Variants in CEMIP observed in about 807,000 individuals in gnomAD.
The protein encoded by CEMIP is cell migration-inducing and hyaluronan-binding protein.
In CEMIP, 105 loss-of-function variants were observed where a neutral mutation model predicts 156.9. The observed-to-expected ratio is 0.67, with a 90% CI of 0.57 to 0.79. The LOEUF (loss-of-function observed/expected upper bound fraction) is 0.79. Ranked by LOEUF, CEMIP falls within the 30% of genes least tolerant of loss-of-function variation. The pLI, the probability that CEMIP is intolerant of heterozygous loss-of-function variation, is 0.00. For synonymous variants in CEMIP, 676 were observed against 668.4 expected, an observed-to-expected ratio of 1.01 and a Z score of -0.17; for missense variants, 1,457 against 1,769.4, an observed-to-expected ratio of 0.82 and a Z score of 3.17.
At chr15:80,943,416 G>A (rs550515754) in intron 28 of CEMIP, among the ~76,000 whole-genome samples, 4 of 152,292 alleles carry the variant, frequency 2.6e-5, no homozygotes, top group South Asian at 4.1e-4. Flanking sequence ...CCTTCAATAC[G>A]ATCCAAGTGC....
Position 80,924,606 on chromosome 15 carries a change from A to G in CEMIP, c.2203-15A>G, listed in dbSNP as rs1198766282. ...AGTAGAAACTAATGTGTCCCTGAAT[A>G]TCTCTTCCCTGCAGGCTGGCATGAT... On this transcript the variant is annotated splice_polypyrimidine_tract_variant and intron_variant, in intron 17 of 29. Coordinates refer to ENST00000394685, the MANE Select transcript of CEMIP (RefSeq NM_001293298.2). 1.2e-6 allele frequency: 2 copies of G among 1,612,992 alleles called. No individual in the cohort carries two copies. Among genetic ancestry groups the G allele is most frequent in the Non-Finnish European group, 1.7e-6 (2 of 1,178,976 alleles).
At chr15:80,801,712 T>C (rs8024891) in intron 1 of CEMIP, among the ~76,000 whole-genome samples, 8,891 of 152,236 alleles carry the variant, frequency 0.058, 313 homozygotes, top group Middle Eastern at 0.12. Context: ...ACACCCACCT[T>C]TGATAGAGGT....
intron 1 of CEMIP, among the ~76,000 whole-genome samples, chr15:80,783,796 T>C (rs1191511694): frequency 6.6e-6 from 1 of 152,236 alleles, no homozygotes; most frequent in Non-Finnish European, 1.5e-5. Context: ...CCAGGCTTTG[T>C]TCAAGCTTGG....
intron 1 of CEMIP, among the ~76,000 whole-genome samples, chr15:80,867,249 C>T (rs1898154311): frequency 6.6e-6 from 1 of 152,170 alleles, no homozygotes; most frequent in Non-Finnish European, 1.5e-5. Flanking sequence ...CCCTCCCCTA[C>T]ACTGATAGGC....
At chr15:80,887,088 C>T (rs559069323) in intron 7 of CEMIP, among the ~76,000 whole-genome samples, 2 of 152,116 alleles carry the variant, frequency 1.3e-5, no homozygotes, top group African/African-American at 2.4e-5. Context: ...GGTAAGAAAA[C>T]CTTGCTGCCC....
chr15:80,945,895 G>A (rs974179082), intron 28 of CEMIP, among the ~76,000 whole-genome samples: 1 of 152,220 alleles, frequency 6.6e-6, no homozygotes, highest in African/African-American at 2.4e-5. Flanking sequence ...CGAGGCAGGG[G>A]ATAGACACTC....
At chr15:80,944,888 C>T (rs1901481583) in intron 28 of CEMIP, among the ~76,000 whole-genome samples, 1 of 152,326 alleles carries the variant, frequency 6.6e-6, no homozygotes, top group Admixed American at 6.5e-5. Flanking sequence ...AGCAGCAGCA[C>T]CTCTCTGGGG....
Position 80,925,669 on chromosome 15 carries a change from G to C in CEMIP, c.2334G>C (p.Pro778=). The change falls in exon 19 of 30, where the codon CCG becomes CCC. Residue 778 remains proline (P), a synonymous_variant. Coordinates refer to ENST00000394685, the MANE Select transcript of CEMIP (RefSeq NM_001293298.2). ...CCGACCCGCTGAAGCCCCGGGAGCC[G>C]GCCATCATCAGACACTTCATTGCCT... The part of the protein sequence containing the change: ...QDADPLKPRE[P]AIIRHFIAYK... 2 of 1,613,730 alleles carry C rather than the reference G, an allele frequency of 1.2e-6. No homozygotes were observed. The highest frequency in any genetic ancestry group is 1.7e-6 in the Non-Finnish European group (2 of 1,179,988).
At chr15:80,937,218 C>T (rs1901162801) in intron 24 of CEMIP, among the ~76,000 whole-genome samples, 2 of 152,072 alleles carry the variant, frequency 1.3e-5, no homozygotes, top group African/African-American at 4.8e-5. Flanking sequence ...AGCCAGTGCT[C>T]GACAGATGAC....
chr15:80,912,063 G>A (rs1031301816), intron 14 of CEMIP, among the ~76,000 whole-genome samples: 3 of 152,184 alleles, frequency 2.0e-5, no homozygotes, highest in African/African-American at 7.2e-5. Flanking sequence ...TGAGATTGCT[G>A]GGAAAGGCTG....
intron 1 of CEMIP, among the ~76,000 whole-genome samples, chr15:80,810,390 CG>C (rs994862737): frequency 1.3e-5 from 2 of 152,052 alleles, no homozygotes; most frequent in African/African-American, 4.8e-5. Flanking sequence ...GTTTTTGAGA[CG>C]GAGTCTCACT....
At chr15:80,884,766 A>G (rs1224269137) in intron 7 of CEMIP, among the ~76,000 whole-genome samples, 2 of 152,178 alleles carry the variant, frequency 1.3e-5, no homozygotes, top group Non-Finnish European at 2.9e-5. Context: ...GCTGAGGCAA[A>G]TGACCAAGGA....
chr15:80,816,535 G>T (rs1896792765), intron 1 of CEMIP, among the ~76,000 whole-genome samples: 1 of 152,262 alleles, frequency 6.6e-6, no homozygotes, highest in South Asian at 2.1e-4. Flanking sequence ...CCTGGCCCAG[G>T]TCAAGCTACT....
At chr15:80,927,768 T>C (rs1214580020) in intron 19 of CEMIP, among the ~76,000 whole-genome samples, 1 of 151,928 alleles carries the variant, frequency 6.6e-6, no homozygotes, top group African/African-American at 2.4e-5. Flanking sequence ...AGCCTAGCAC[T>C]GGGGGACAGA....
chr15:80,788,604 G>A (rs1424009958), intron 1 of CEMIP, among the ~76,000 whole-genome samples: 1 of 152,122 alleles, frequency 6.6e-6, no homozygotes, highest in Non-Finnish European at 1.5e-5. Context: ...TCACTCTAAT[G>A]CTAGTTTTCC....
intron 1 of CEMIP, among the ~76,000 whole-genome samples, chr15:80,798,029 T>G (rs949128503): frequency 6.6e-6 from 1 of 152,136 alleles, no homozygotes; most frequent in African/African-American, 2.4e-5. Flanking sequence ...TCAAGGGAGG[T>G]ATTTTATTAC....
intron 1 of CEMIP, among the ~76,000 whole-genome samples, chr15:80,859,559 A>C (rs1304538828): frequency 2.0e-5 from 3 of 152,238 alleles, no homozygotes; most frequent in African/African-American, 7.2e-5. Flanking sequence ...TCCAGTTTCA[A>C]GGATGCCTCT....
intron 1 of CEMIP, among the ~76,000 whole-genome samples, chr15:80,871,378 C>A (rs1010664824): frequency 2.6e-5 from 4 of 152,190 alleles, no homozygotes; most frequent in African/African-American, 9.7e-5. Flanking sequence ...GAGCATTATT[C>A]CTCCATGTGG....
chr15:80,916,441 C>G (rs1301105544), intron 14 of CEMIP, among the ~76,000 whole-genome samples: 1 of 152,146 alleles, frequency 6.6e-6, no homozygotes, highest in African/African-American at 2.4e-5. Flanking sequence ...TCCAGAAGGA[C>G]AAAGAGAAAA....
Sources: gnomAD v4.1 joint callset for allele counts (sites outside exome capture counted in the v4.1 genomes callset) on GRCh38, gnomAD v4.1.1 for gene constraint, MANE v1.5 for transcripts, NCBI Gene and HGNC (gene_info 2026-07-23, HGNC 2026-07-21) for gene names.